Variants in CLRN2 observed in about 807,000 individuals in gnomAD.
CLRN2 encodes clarin 2.
Under a neutral mutation model 20.1 loss-of-function variants are expected in CLRN2, and 17 were observed. That is an observed-to-expected ratio of 0.85 (90% CI 0.58 to 1.27). CLRN2 has a LOEUF of 1.27. Ranked by LOEUF, CLRN2 falls within the 50% of genes most tolerant of loss-of-function variation. CLRN2 has a pLI of 0.00. For missense variants in CLRN2, 288 were observed against 299.5 expected, an observed-to-expected ratio of 0.96 and a Z score of 0.28; for synonymous variants, 140 against 126.9, an observed-to-expected ratio of 1.10 and a Z score of -0.70.
At chr4:17,521,407 A>C (rs2109002521) in intron 1 of CLRN2, among the ~76,000 whole-genome samples, 1 of 152,328 alleles carries the variant, frequency 6.6e-6, no homozygotes, top group Middle Eastern at 3.4e-3. Context: ...CCAGCAAAGG[A>C]ACTAGTTCCA....
intron 1 of CLRN2, among the ~76,000 whole-genome samples, chr4:17,517,437 TGAATG>T (rs1217997634): frequency 2.0e-5 from 3 of 152,148 alleles, no homozygotes; most frequent in Non-Finnish European, 4.4e-5. Flanking sequence ...CGTTGAAACT[TGAATG>T]GGGTGAGAAG....
rs1392583872 is a variant in CLRN2 at position 17,526,980 on chromosome 4, T to C, written c.597T>C (p.His199=). ...TCTGCGTGGCCAGCGCTTCGGCCCA[T>C]GCTGCAAACTTGGTCGTGGTGGCGA... ...FWICVASASA[H]AANLVVVAIS... The change falls in exon 3 of 3, where the codon CAT becomes CAC. Residue 199 remains histidine, a synonymous_variant. Transcript: ENST00000511148. 1 of 1,607,566 alleles carries C rather than the reference T, an allele frequency of 6.2e-7. No individual in the cohort carries two copies. The highest frequency in any genetic ancestry group is 8.5e-7 in the Non-Finnish European group (1 of 1,175,414).
intron 1 of CLRN2, among the ~76,000 whole-genome samples, chr4:17,517,455 T>G (rs1711706805): frequency 6.6e-6 from 1 of 152,138 alleles, no homozygotes; most frequent in Non-Finnish European, 1.5e-5. Flanking sequence ...GTGAGAAGAT[T>G]AAACAGCAGT....
intron 2 of CLRN2, among the ~76,000 whole-genome samples, 175 bp downstream of exon 2, chr4:17,523,218 T>C (rs1711878035): frequency 6.7e-6 from 1 of 150,336 alleles, no homozygotes; most frequent in East Asian, 1.9e-4. Flanking sequence ...TTTTTCTTTT[T>C]TTTTTTTTTT....
chr4:17,516,468 C>CT (rs1304696400), intron 1 of CLRN2, among the ~76,000 whole-genome samples: 2 of 152,148 alleles, frequency 1.3e-5, no homozygotes, highest in Non-Finnish European at 2.9e-5. Flanking sequence ...TCCTTGATTT[C>CT]TATATTTCAG....
chr4:17,526,556 T>G (rs1334450056), intron 2 of CLRN2, among the ~76,000 whole-genome samples: 1 of 152,184 alleles, frequency 6.6e-6, no homozygotes, highest in Non-Finnish European at 1.5e-5. Context: ...CAAGACTCCA[T>G]CTCAAAACAA....
Position 17,522,858 on chromosome 4 carries a change from C to G in CLRN2, c.254-6C>G. 6.2e-7 allele frequency: 1 copy of G among 1,611,760 alleles called. No homozygotes were observed. The highest frequency in any genetic ancestry group is 8.5e-7 in the Non-Finnish European group (1 of 1,178,416). On this transcript the variant is annotated splice_polypyrimidine_tract_variant and splice_region_variant and intron_variant, in intron 1 of 2. Coordinates refer to ENST00000511148, the MANE Select transcript of CLRN2 (RefSeq NM_001079827.2). ...TTGAAATAGTGGCTGTGTCTTGTCT[C>G]CCCAGTCTTCCCACACCTGGTGAAG...
rs888091820 is a variant in CLRN2, at chr4:17,526,823, T to G, written c.440T>G (p.Val147Gly). The change falls in exon 3 of 3, where the codon GTC becomes GGC. Residue 147 changes from valine (V) to glycine (G), a missense_variant. By Grantham distance (109) the Val-to-Gly change is moderately radical. Coordinates refer to ENST00000511148, the MANE Select transcript of CLRN2 (RefSeq NM_001079827.2). Reference sequence around the variant, plus strand: ...TGACCTTTTTGAGTTTCAGGCGGCGTCGTGGCGTTAGCCATCGCCAGCTTC... The same window carrying G: ...TGACCTTTTTGAGTTTCAGGCGGCGGCGTGGCGTTAGCCATCGCCAGCTTC... Reference protein sequence around the residue: ...ICLWNVLAGGVVALAIASFVA... With the variant: ...ICLWNVLAGGGVALAIASFVA... 3.1e-6 allele frequency: 5 copies of G among 1,613,964 alleles called. No individual in the cohort carries two copies. The highest frequency in any genetic ancestry group is 3.4e-6 in the Non-Finnish European group (4 of 1,179,816).
At chr4:17,522,182 A>G (rs1480859505) in intron 1 of CLRN2, among the ~76,000 whole-genome samples, 1 of 152,206 alleles carries the variant, frequency 6.6e-6, no homozygotes, top group Non-Finnish European at 1.5e-5. Flanking sequence ...CCATGACTGC[A>G]CTTAGTAAAT....
At chr4:17,516,519 G>T (rs190499183) in intron 1 of CLRN2, among the ~76,000 whole-genome samples, 1 of 152,032 alleles carries the variant, frequency 6.6e-6, no homozygotes, top group East Asian at 1.9e-4. Flanking sequence ...GGTAAATGTC[G>T]TATTAAATTT....
At chr4:17,523,213 CTTTT>C (rs113987711) in intron 2 of CLRN2, among the ~76,000 whole-genome samples, 170 bp downstream of exon 2, 1 of 141,314 alleles carries the variant, frequency 7.1e-6, no homozygotes, top group Non-Finnish European at 1.5e-5. Flanking sequence ...TTTTCTTTTT[CTTTT>C]TTTTTTTTTT....
Position 17,526,970 on chromosome 4 carries a change from C to T in CLRN2, c.587C>T (p.Ala196Val). The change falls in exon 3 of 3, where the codon GCT becomes GTT. Residue 196 changes from alanine (A) to valine (V), a missense_variant. Transcript: ENST00000511148. ...EESFWICVAS[A>V]SAHAANLVVV... ...TCGTTTTGGATCTGCGTGGCCAGCG[C>T]TTCGGCCCATGCTGCAAACTTGGTC... 1 of 1,614,036 alleles carries T rather than the reference C, an allele frequency of 6.2e-7. No individual in the cohort carries two copies.
intron 1 of CLRN2, among the ~76,000 whole-genome samples, 188 bp downstream of exon 1, chr4:17,515,707 T>A (rs1332785616): frequency 2.0e-5 from 3 of 152,254 alleles, no homozygotes; most frequent in African/African-American, 7.2e-5. Flanking sequence ...CTTCCTTTTC[T>A]TTTTCTGTAG....
intron 2 of CLRN2, among the ~76,000 whole-genome samples, 191 bp from the exon 3 acceptor site, chr4:17,526,625 TC>T (rs1711982752): frequency 1.3e-5 from 2 of 152,200 alleles, no homozygotes; most frequent in African/African-American, 4.8e-5. Context: ...ATCCTCTCTT[TC>T]CCCGCACAAT....
At chr4:17,519,700 C>G (rs1362100392) in intron 1 of CLRN2, among the ~76,000 whole-genome samples, 1 of 152,104 alleles carries the variant, frequency 6.6e-6, no homozygotes, top group Non-Finnish European at 1.5e-5. Context: ...TGGGAGACAT[C>G]TAAAACTCTT....
chr4:17,523,082 C>T, intron 2 of CLRN2, 39 bp downstream of exon 2: 1 of 1,542,088 alleles, frequency 6.5e-7, no homozygotes, highest in Non-Finnish European at 8.8e-7. Flanking sequence ...ATGTCCACAC[C>T]ATCATAGGGC....
chr4:17,516,492 T>C (rs1377766196), intron 1 of CLRN2, among the ~76,000 whole-genome samples: 2 of 152,226 alleles, frequency 1.3e-5, no homozygotes, highest in South Asian at 2.1e-4. Context: ...TGTAGTAGTT[T>C]ATAGAAATCT....
intron 1 of CLRN2, among the ~76,000 whole-genome samples, 167 bp from the exon 2 acceptor site, chr4:17,522,697 G>A (rs182298802): frequency 1.3e-5 from 2 of 152,170 alleles, no homozygotes; most frequent in Non-Finnish European, 2.9e-5. Context: ...GCATGAATCT[G>A]GGGGCCATGA....
intron 1 of CLRN2, among the ~76,000 whole-genome samples, chr4:17,515,983 C>G (rs926783077): frequency 1.3e-5 from 2 of 152,182 alleles, no homozygotes; most frequent in Admixed American, 1.3e-4. Flanking sequence ...GACTCCAGAC[C>G]CATGCCACAT....
Sources: allele counts gnomAD v4.1 joint callset (sites outside exome capture counted in the v4.1 genomes callset), GRCh38; gene constraint gnomAD v4.1.1; transcripts MANE v1.5; gene names NCBI Gene and HGNC (gene_info 2026-07-23, HGNC 2026-07-21).